The following SLC6A11 variants were observed in gnomAD, a reference collection of about 807,000 sequenced individuals.
SLC6A11 encodes the protein sodium- and chloride-dependent GABA transporter 3.
SLC6A11 carries 25 observed loss-of-function variants against 74.8 expected under a neutral mutation model. That is an observed-to-expected ratio of 0.33 (90% CI 0.24 to 0.47). The LOEUF is 0.47. Among genes scored for constraint, SLC6A11 ranks in the 20% least tolerant of loss-of-function variants. The pLI, the probability that SLC6A11 is intolerant of heterozygous loss-of-function variation, is 1.00. For synonymous variants in SLC6A11, 330 were observed against 330.2 expected (o/e 1.00, Z 0.01); for missense variants, 574 against 837.0 (o/e 0.69, Z 3.88).
chr3:10,853,880 T>G (rs1288101684), intron 5 of SLC6A11, among the ~76,000 whole-genome samples: 2 of 152,194 alleles, frequency 1.3e-5, no homozygotes, highest in African/African-American at 4.8e-5. Flanking sequence ...CATGCAGGCA[T>G]GCCCTGCCTC....
intron 10 of SLC6A11, among the ~76,000 whole-genome samples, chr3:10,932,471 C>T (rs192181948): frequency 6.6e-6 from 1 of 152,278 alleles, no homozygotes; most frequent in Non-Finnish European, 1.5e-5. Context: ...AATTGTGAGC[C>T]CACAAAACAT....
At chr3:10,857,277 G>A (rs1694649060) in intron 5 of SLC6A11, among the ~76,000 whole-genome samples, 1 of 152,144 alleles carries the variant, frequency 6.6e-6, no homozygotes, top group Non-Finnish European at 1.5e-5. Flanking sequence ...TTGGAGGAGT[G>A]GTGTGGAAAG....
chr3:10,893,436 G>C (rs1180934279), intron 6 of SLC6A11, among the ~76,000 whole-genome samples: 1 of 152,100 alleles, frequency 6.6e-6, no homozygotes, highest in Non-Finnish European at 1.5e-5. Context: ...GGAGTTCAGA[G>C]GTGTTTTTAA....
At chr3:10,851,484 C>T (rs1042375481) in intron 5 of SLC6A11, among the ~76,000 whole-genome samples, 4 of 151,228 alleles carry the variant, frequency 2.6e-5, no homozygotes, top group Non-Finnish European at 4.4e-5. Flanking sequence ...TGATTTTTTT[C>T]TTTCCCTTCC....
intron 5 of SLC6A11, among the ~76,000 whole-genome samples, chr3:10,873,805 A>G (rs1256340232): frequency 2.0e-5 from 3 of 151,532 alleles, no homozygotes; most frequent in Non-Finnish European, 4.4e-5. Context: ...ATCCTATCCT[A>G]TGCTATCCTA....
At chr3:10,828,982 T>C (rs1694256318) in intron 4 of SLC6A11, among the ~76,000 whole-genome samples, 1 of 152,212 alleles carries the variant, frequency 6.6e-6, no homozygotes, top group South Asian at 2.1e-4. Context: ...GAAGACTGAA[T>C]GAATGAATGA....
In SLC6A11 at chr3:10,940,653, C is replaced by T. The variant is rs1695813757; in HGVS notation, c.*2251C>T. On this transcript the variant is annotated 3_prime_UTR_variant, in exon 14 of 14. Transcript: ENST00000254488. Reference sequence around the variant, plus strand: ...TTGCATAATGAACATTTTTATTGGGCATTCAAAGGGTGCAAGATTGTCTGC... The same window carrying T: ...TTGCATAATGAACATTTTTATTGGGTATTCAAAGGGTGCAAGATTGTCTGC... 1 of 152,124 alleles carries T rather than the reference C, an allele frequency of 6.6e-6. No individual in the cohort carries two copies. Among genetic ancestry groups the T allele is most frequent in the South Asian group, 2.1e-4 (1 of 4,822 alleles). 9.4% of individuals were successfully genotyped at this position (152,124 alleles called of 1,614,324 possible).
At chr3:10,827,871 T>C (rs1379786805) in intron 4 of SLC6A11, among the ~76,000 whole-genome samples, 1 of 152,156 alleles carries the variant, frequency 6.6e-6, no homozygotes, top group African/African-American at 2.4e-5. Flanking sequence ...TCAATTCCCT[T>C]TTCAGATGTA....
At position 10,925,988 on chromosome 3, in the gene SLC6A11, CT is replaced by C; in HGVS notation, c.1121-15del. The stretch of plus-strand genomic sequence containing the variant: ...GGGACTCCACCCAGTGGCTTTCTCT[CT>C]CTCCCTCGCTCCAGGCCCCGGCCTG... On this transcript the variant is annotated splice_polypyrimidine_tract_variant and intron_variant, in intron 8 of 13. Transcript: ENST00000254488. The C allele has an allele frequency of 6.7e-7, 1 of 1,485,146 alleles. No individual in the cohort carries two copies. The highest frequency in any genetic ancestry group is 9.4e-7 in the Non-Finnish European group (1 of 1,067,516). The allele number at this position is 1,485,146 out of a possible 1,614,324, so 92.0% of individuals were successfully genotyped here. A position where few individuals can be genotyped will look rare whatever the true frequency, so the allele number is the denominator to read the frequency against.
intron 10 of SLC6A11, among the ~76,000 whole-genome samples, chr3:10,930,348 G>A (rs2106633643): frequency 6.6e-6 from 1 of 152,276 alleles, no homozygotes; most frequent in Middle Eastern, 3.4e-3. Flanking sequence ...GACCTCAGGG[G>A]CCGTGAGAAC....
In SLC6A11 at chr3:10,831,495, G is replaced by C. The variant is rs558657989; in HGVS notation, c.623+8103G>C. Among the ~76,000 whole-genome samples, 25 of 152,140 alleles carry C rather than the reference G, an allele frequency of 1.6e-4. 1 individual carries two copies. Among genetic ancestry groups the C allele is most frequent in the African/African-American group, 6.0e-4 (25 of 41,430 alleles). Reference sequence around the variant, plus strand: ...TGAAAAAGGTGAGCTGTAGCATGTTGTATATGATATCGTATGTAATATATG... The same window carrying C: ...TGAAAAAGGTGAGCTGTAGCATGTTCTATATGATATCGTATGTAATATATG... On this transcript the variant is annotated intron_variant, in intron 4 of 13. Coordinates refer to ENST00000254488, the MANE Select transcript of SLC6A11 (RefSeq NM_014229.3).
rs1695482202 is a variant in SLC6A11 at position 10,918,080 on chromosome 3, C to T, written c.996-249C>T. 6.6e-6 allele frequency among the ~76,000 whole-genome samples: 1 copy of T among 152,194 alleles called. No individual in the cohort carries two copies. The highest frequency in any genetic ancestry group is 2.4e-5 in the African/African-American group (1 of 41,452). On this transcript the variant is annotated intron_variant, in intron 7 of 13. Coordinates refer to ENST00000254488, the MANE Select transcript of SLC6A11 (RefSeq NM_014229.3). This position sits in a 1 kb window ranked among gnomAD's most constrained non-coding sequence, Gnocchi z 4.5. ...TTTCCCATATGCCAGCCTCCCTTCC[C>T]ATGCTGGCTCTATGCTTCTGATTCG...
At chr3:10,861,103 T>C (rs548166815) in intron 5 of SLC6A11, among the ~76,000 whole-genome samples, 1 of 152,216 alleles carries the variant, frequency 6.6e-6, no homozygotes, top group Non-Finnish European at 1.5e-5. Flanking sequence ...GAGAGCAGCT[T>C]CCTTTGAGAG....
intron 5 of SLC6A11, among the ~76,000 whole-genome samples, chr3:10,867,229 G>T (rs1480536439): frequency 6.6e-6 from 1 of 152,148 alleles, no homozygotes; most frequent in Non-Finnish European, 1.5e-5. Context: ...AACACTTGAG[G>T]TTAAAAACAG....
intron 6 of SLC6A11, among the ~76,000 whole-genome samples, chr3:10,897,481 CA>C (rs1695184835): frequency 6.6e-6 from 1 of 152,140 alleles, no homozygotes; most frequent in South Asian, 2.1e-4. Flanking sequence ...AGGAATCGGC[CA>C]AAACAAAGGG....
At chr3:10,880,493 A>C (rs1694962283) in intron 6 of SLC6A11, among the ~76,000 whole-genome samples, 1 of 152,216 alleles carries the variant, frequency 6.6e-6, no homozygotes, top group African/African-American at 2.4e-5. Flanking sequence ...GTGACTCTAT[A>C]GCCAGTAAAA....
At position 10,918,412 on chromosome 3, in the gene SLC6A11, C is replaced by T. The variant is rs183457681; in HGVS notation, c.1079C>T (p.Ala360Val). Residue 360 changes from alanine to valine, a missense_variant, in exon 8 of 14, where the codon GCG (alanine) becomes GTG (valine). Physicochemically the swap from Ala to Val is moderately conservative, Grantham distance 64. Around this residue, in one of 4 missense-constraint regions of SLC6A11, gnomAD observed 16 missense variants for 50.1 expected, o/e 0.32. Coordinates refer to ENST00000254488, the MANE Select transcript of SLC6A11 (RefSeq NM_014229.3). The surrounding 1 kb of genome is among the most constrained non-coding windows in gnomAD (Gnocchi z 4.5). ...FAIFSVLGFM[A>V]YEQGVPIAEV... is the part of the protein sequence containing the mutation. Reference sequence around the variant, plus strand: ...ATCTTCTCAGTCCTGGGTTTTATGGCGTACGAGCAGGGGGTACCCATTGCT... The same window carrying T: ...ATCTTCTCAGTCCTGGGTTTTATGGTGTACGAGCAGGGGGTACCCATTGCT... The T allele has an allele frequency of 3.7e-6, 6 of 1,607,428 alleles. No individual in the cohort carries two copies. The highest frequency in any genetic ancestry group is 1.7e-5 in the Admixed American group (1 of 58,598).
At chr3:10,858,653 G>A (rs1046807501) in intron 5 of SLC6A11, among the ~76,000 whole-genome samples, 3 of 152,248 alleles carry the variant, frequency 2.0e-5, no homozygotes, top group Non-Finnish European at 4.4e-5. Context: ...GCACACTGAG[G>A]CTTAGCGAGG....
intron 5 of SLC6A11, among the ~76,000 whole-genome samples, chr3:10,856,963 C>T (rs529116455): frequency 7.2e-5 from 11 of 152,312 alleles, no homozygotes; most frequent in African/African-American, 2.6e-4. Flanking sequence ...AATACTCCCC[C>T]ATGCTTGCAT....
Sources: allele counts gnomAD v4.1 joint callset (sites outside exome capture counted in the v4.1 genomes callset), GRCh38; gene constraint gnomAD v4.1.1; regional missense constraint gnomAD v4.1.1; non-coding constraint Gnocchi (gnomAD v3.1); transcripts MANE v1.5; gene names NCBI Gene and HGNC (gene_info 2026-07-23, HGNC 2026-07-21).